Variants in BMAL1 observed in about 807,000 individuals in gnomAD.
BMAL1 encodes basic helix-loop-helix ARNT-like protein 1.
the BMAL1 span, among the ~76,000 whole-genome samples, chr11:13,365,204 G>A: frequency 2.6e-5 from 4 of 151,788 alleles, no homozygotes; most frequent in African/African-American, 9.7e-5. Context: ...AAAAGAACAC[G>A]TGCAAGCTGA....
At chr11:13,290,666 T>C in the BMAL1 span, among the ~76,000 whole-genome samples, 1 of 152,094 alleles carries the variant, frequency 6.6e-6, no homozygotes, top group African/African-American at 2.4e-5. Context: ...CTTTTTCTCA[T>C]TCAGTCTTCA....
At chr11:13,386,658 AATG>A in the BMAL1 span, 1 of 1,614,210 alleles carries the variant, frequency 6.2e-7, no homozygotes, top group South Asian at 1.1e-5. Flanking sequence ...TAGTCCCAGT[AATG>A]ATGAGGCAGC....
chr11:13,336,367 C>A, the BMAL1 span, among the ~76,000 whole-genome samples: 1 of 152,198 alleles, frequency 6.6e-6, no homozygotes, highest in Non-Finnish European at 1.5e-5. Context: ...GCTCCCCACT[C>A]TTTACTAAGT....
At chr11:13,337,276 T>C in the BMAL1 span, among the ~76,000 whole-genome samples, 53 of 152,322 alleles carry the variant, frequency 3.5e-4, no homozygotes, top group African/African-American at 1.2e-3. Context: ...TGGTGAATTT[T>C]TTTTTGTCTT....
chr11:13,354,210 A>AAAACC, the BMAL1 span: 3 of 273,516 alleles, frequency 1.1e-5, no homozygotes, highest in Non-Finnish European at 1.1e-5. Context: ...GCCCCCCACC[A>AAAACC]CCAAACCCCC....
chr11:13,386,783 T>A, the BMAL1 span: 1 of 1,609,676 alleles, frequency 6.2e-7, no homozygotes, highest in Non-Finnish European at 8.5e-7. Flanking sequence ...TGGCAACAGC[T>A]ATAGTATCAA....
the BMAL1 span, chr11:13,354,306 C>T: frequency 6.5e-7 from 1 of 1,532,096 alleles, no homozygotes; most frequent in South Asian, 1.1e-5. Flanking sequence ...TCCAGATCAT[C>T]CAATGGCAGA....
the BMAL1 span, among the ~76,000 whole-genome samples, chr11:13,304,817 A>C: frequency 6.6e-6 from 1 of 152,190 alleles, no homozygotes; most frequent in Admixed American, 6.5e-5. Context: ...AAAGTGCACA[A>C]AAGGAGGAAG....
At chr11:13,299,991 C>T in the BMAL1 span, among the ~76,000 whole-genome samples, 3 of 152,186 alleles carry the variant, frequency 2.0e-5, no homozygotes, top group East Asian at 1.9e-4. Flanking sequence ...GAGATGGATT[C>T]GTTCTGCAAA....
At chr11:13,314,229 C>CCACATA in the BMAL1 span, among the ~76,000 whole-genome samples, 1 of 138,648 alleles carries the variant, frequency 7.2e-6, no homozygotes, top group Non-Finnish European at 1.6e-5. Flanking sequence ...AGGGTGGAGA[C>CCACATA]CACACACACA....
chr11:13,366,540 G>A, the BMAL1 span: 5 of 835,400 alleles, frequency 6.0e-6, no homozygotes, highest in South Asian at 4.8e-5. Flanking sequence ...GGTTCACATA[G>A]GAAAAGTTTG....
the BMAL1 span, among the ~76,000 whole-genome samples, chr11:13,384,518 G>A: frequency 1.3e-5 from 2 of 152,174 alleles, no homozygotes; most frequent in African/African-American, 4.8e-5. Flanking sequence ...ACTTCTACGT[G>A]TCAAGTTTTG....
the BMAL1 span, among the ~76,000 whole-genome samples, chr11:13,284,059 G>T: frequency 6.9e-6 from 1 of 144,526 alleles, no homozygotes; most frequent in Non-Finnish European, 1.5e-5. Context: ...CACAACTTTG[G>T]TATATCCACA....
At chr11:13,284,122 G>GTGTGTGTATATATATATA in the BMAL1 span, among the ~76,000 whole-genome samples, 20 of 81,434 alleles carry the variant, frequency 2.5e-4, 5 homozygotes, top group East Asian at 3.0e-3. Flanking sequence ...ATATATATGT[G>GTGTGTGTATATATATATA]TGTGTGTATA....
At chr11:13,373,800 T>C in the BMAL1 span, among the ~76,000 whole-genome samples, 1 of 152,194 alleles carries the variant, frequency 6.6e-6, no homozygotes, top group Non-Finnish European at 1.5e-5. Context: ...TGAACCACCA[T>C]GCCCGACTGG....
At chr11:13,354,368 C>T in the BMAL1 span, 1 of 1,614,190 alleles carries the variant, frequency 6.2e-7, no homozygotes, top group South Asian at 1.1e-5. Context: ...CCCCGGGCCC[C>T]ACCGACCTGC....
At chr11:13,325,926 C>G in the BMAL1 span, among the ~76,000 whole-genome samples, 8 of 151,402 alleles carry the variant, frequency 5.3e-5, no homozygotes, top group Non-Finnish European at 7.4e-5. Flanking sequence ...AACAAGGGGC[C>G]GGGGGCGGTG....
chr11:13,276,790 G>C, the BMAL1 span: 1 of 152,222 alleles, frequency 6.6e-6, no homozygotes, highest in Non-Finnish European at 1.5e-5. Flanking sequence ...AAGTGCCTGA[G>C]ATGCAAAAAT....
chr11:13,284,150 ATATATATATGTGTG>A, the BMAL1 span, among the ~76,000 whole-genome samples: 127 of 65,212 alleles, frequency 1.9e-3, 7 homozygotes, highest in African/African-American at 7.8e-3. Context: ...ATATGTGTAT[ATATATATATGTGTG>A]TATATATATA....
Sources: allele counts gnomAD v4.1 joint callset (sites outside exome capture counted in the v4.1 genomes callset), GRCh38; gene constraint gnomAD v4.1.1; transcripts MANE v1.5; gene names NCBI Gene and HGNC (gene_info 2026-07-23, HGNC 2026-07-21).